Variants in LYN observed in about 807,000 individuals in gnomAD.
The protein encoded by LYN is tyrosine-protein kinase Lyn.
LYN carries 12 observed loss-of-function variants against 65.0 expected under a neutral mutation model. That is an observed-to-expected ratio of 0.18 (90% CI 0.12 to 0.30). The LOEUF (loss-of-function observed/expected upper bound fraction) is 0.30. Among genes scored for constraint, LYN ranks in the 10% least tolerant of loss-of-function variants. LYN has a pLI of 1.00. For missense variants in LYN, 380 were observed against 623.2 expected (o/e 0.61, Z 4.16); for synonymous variants, 222 against 221.2 (o/e 1.00, Z -0.03).
chr8:55,959,431 T>TA (rs1412401921), intron 8 of LYN, among the ~76,000 whole-genome samples: 1 of 152,202 alleles, frequency 6.6e-6, no homozygotes, highest in Non-Finnish European at 1.5e-5. Flanking sequence ...AGGGATTACA[T>TA]AACAATTGAA....
intron 1 of LYN, among the ~76,000 whole-genome samples, chr8:55,880,741 G>A (rs1209115542): frequency 6.6e-6 from 1 of 152,248 alleles, no homozygotes; most frequent in Non-Finnish European, 1.5e-5. Context: ...GAGCAGTCCG[G>A]TGCTTTTGCC....
In LYN at chr8:55,882,471, C is replaced by G. The variant is rs1563491545; in HGVS notation, c.-6+2368C>G. ...TAAATCATATTATTCATGTACAAACCCATACTAACTTTATAAATAAGGACA... is the reference window on the plus strand; with the variant it reads ...TAAATCATATTATTCATGTACAAACGCATACTAACTTTATAAATAAGGACA... On this transcript the variant is annotated intron_variant, in intron 1 of 12. Coordinates refer to ENST00000519728, the MANE Select transcript of LYN (RefSeq NM_002350.4). Among the ~76,000 whole-genome samples the G allele has an allele frequency of 2.6e-5, 4 of 152,058 alleles. No individual in the cohort carries two copies. The South Asian group carries it at 8.3e-4, about 32-fold the overall frequency.
intron 8 of LYN, among the ~76,000 whole-genome samples, chr8:55,955,673 A>G (rs1807085515): frequency 6.6e-6 from 1 of 152,218 alleles, no homozygotes; most frequent in South Asian, 2.1e-4. Flanking sequence ...CCAATAAACA[A>G]TCACTCTTCA....
intron 12 of LYN, among the ~76,000 whole-genome samples, chr8:56,004,897 G>A (rs953876791): frequency 9.2e-5 from 14 of 151,848 alleles, no homozygotes; most frequent in African/African-American, 1.7e-4. Flanking sequence ...TGATCCTCTC[G>A]CCTCAGCCTC....
chr8:56,002,361 G>A (rs754357226), intron 12 of LYN, among the ~76,000 whole-genome samples: 1 of 152,002 alleles, frequency 6.6e-6, no homozygotes, highest in Non-Finnish European at 1.5e-5. Flanking sequence ...GGAGCTTGCA[G>A]TGAGCTGAGA....
intron 10 of LYN, among the ~76,000 whole-genome samples, chr8:55,986,955 A>G (rs1201809466): frequency 6.6e-6 from 1 of 152,104 alleles, no homozygotes; most frequent in Admixed American, 6.6e-5. Context: ...AACTCAAGTG[A>G]TCCTTCCTGC....
intron 2 of LYN, among the ~76,000 whole-genome samples, chr8:55,943,810 C>T (rs925052883): frequency 3.9e-5 from 6 of 151,942 alleles, no homozygotes; most frequent in Non-Finnish European, 5.9e-5. Flanking sequence ...AGGCCAGGCA[C>T]GGTGGCTCAT....
At position 56,012,836 on chromosome 8, in the gene LYN, A is replaced by T. The variant is rs1172614457; in HGVS notation, c.*2726A>T. ...AAAGCCCAGCCTTCTTTTTCCTCAG[A>T]TGGTTTCATTTCTCAAAGGGGAGTG... On this transcript the variant is annotated 3_prime_UTR_variant, in exon 13 of 13. Transcript: ENST00000519728. 1 of 152,174 alleles carries T rather than the reference A, an allele frequency of 6.6e-6. No individual in the cohort carries two copies. Among genetic ancestry groups the T allele is most frequent in the Non-Finnish European group, 1.5e-5 (1 of 68,046 alleles). The allele number at this position is 152,174 out of a possible 1,614,324, so 9.4% of individuals were successfully genotyped here. A position where few individuals can be genotyped will look rare whatever the true frequency, so the allele number is the denominator to read the frequency against.
intron 1 of LYN, among the ~76,000 whole-genome samples, chr8:55,886,510 A>T (rs1804799791): frequency 1.3e-5 from 2 of 152,166 alleles, no homozygotes; most frequent in African/African-American, 4.8e-5. Flanking sequence ...GGCCTCCCAA[A>T]GTGCTGGGAT....
chr8:55,955,848 A>C (rs888733932), intron 8 of LYN, among the ~76,000 whole-genome samples: 2 of 152,246 alleles, frequency 1.3e-5, no homozygotes, highest in Non-Finnish European at 2.9e-5. Context: ...AGAATGTATT[A>C]GAATTTTCTT....
intron 1 of LYN, among the ~76,000 whole-genome samples, chr8:55,939,260 G>C (rs189050893): frequency 6.6e-6 from 1 of 152,310 alleles, no homozygotes; most frequent in African/African-American, 2.4e-5. Context: ...AGCTGTGCCT[G>C]AGCAGTGAGG....
chr8:56,000,477 C>G (rs1180229342), intron 12 of LYN, among the ~76,000 whole-genome samples: 1 of 151,816 alleles, frequency 6.6e-6, no homozygotes, highest in East Asian at 1.9e-4. Context: ...ACCTGTAATC[C>G]CAGCACTTTG....
chr8:55,953,572 C>T (rs1383936473), intron 7 of LYN, among the ~76,000 whole-genome samples: 1 of 151,950 alleles, frequency 6.6e-6, no homozygotes, highest in African/African-American at 2.4e-5. Context: ...TTCTTGAACC[C>T]AGGAGGCGGA....
In LYN at chr8:55,952,032, T is replaced by A; in HGVS notation, c.554T>A (p.Ile185Asn). ...GGTGATGTTATTAAGCACTACAAAA[T>A]TAGAAGTCTGGATAATGGGGGCTAT... ...VHGDVIKHYK[I>N]RSLDNGGYYI... Residue 185 changes from isoleucine to asparagine, a missense_variant, in exon 7 of 13, where the codon ATT becomes AAT. Around this residue, in one of 2 missense-constraint regions of LYN, gnomAD observed 223 missense variants for 430.0 expected, o/e 0.52. Coordinates refer to ENST00000519728, the MANE Select transcript of LYN (RefSeq NM_002350.4). The A allele has an allele frequency of 6.2e-7, 1 of 1,612,778 alleles. No homozygotes were observed. The highest frequency in any genetic ancestry group is 8.5e-7 in the Non-Finnish European group (1 of 1,179,660).
chr8:55,978,935 C>G (rs1003192768), intron 10 of LYN, among the ~76,000 whole-genome samples: 2 of 152,118 alleles, frequency 1.3e-5, no homozygotes, highest in Non-Finnish European at 2.9e-5. Flanking sequence ...CTTCCTTTTT[C>G]TTTCTCCTCT....
At chr8:55,880,125 A>C (rs1804606649) in intron 1 of LYN, 22 bp downstream of exon 1, 1 of 255,004 alleles carries the variant, frequency 3.9e-6, no homozygotes, top group Non-Finnish European at 7.8e-6. Flanking sequence ...GCGCGAGCCC[A>C]GGGGTGGGCG....
At chr8:55,905,757 A>G (rs958060015) in intron 1 of LYN, among the ~76,000 whole-genome samples, 3 of 152,116 alleles carry the variant, frequency 2.0e-5, no homozygotes, top group African/African-American at 7.2e-5. Flanking sequence ...CTCACTCACC[A>G]AAACAGCGTT....
At chr8:55,884,176 G>T (rs333614) in intron 1 of LYN, among the ~76,000 whole-genome samples, 127,563 of 152,246 alleles carry the variant, frequency 0.84, 53,639 homozygotes, top group African/African-American at 0.91. Flanking sequence ...CTCAGCTCAC[G>T]GCAATCTCCG....
chr8:55,919,486 A>T (rs1272687583), intron 1 of LYN, among the ~76,000 whole-genome samples: 2 of 152,306 alleles, frequency 1.3e-5, no homozygotes, highest in African/African-American at 4.8e-5. Flanking sequence ...GTGATTTAGA[A>T]ATTGACTGAT....
Sources: allele counts gnomAD v4.1 joint callset (sites outside exome capture counted in the v4.1 genomes callset), GRCh38; gene constraint gnomAD v4.1.1; regional missense constraint gnomAD v4.1.1; transcripts MANE v1.5; gene names NCBI Gene and HGNC (gene_info 2026-07-23, HGNC 2026-07-21).